Variants in STRBP observed in about 807,000 individuals in gnomAD.
The protein encoded by STRBP is spermatid perinuclear RNA-binding protein.
STRBP carries 13 observed loss-of-function variants against 80.1 expected under a neutral mutation model. The ratio of observed to expected loss-of-function variants is 0.16; its 90% CI spans 0.11 to 0.26. The LOEUF is 0.26. Among genes scored for constraint, STRBP ranks in the 10% least tolerant of loss-of-function variants. The pLI, the probability that STRBP is intolerant of heterozygous loss-of-function variation, is 1.00. For missense variants in STRBP, 485 were observed against 815.2 expected, an observed-to-expected ratio of 0.59 and a Z score of 4.93; for synonymous variants, 284 against 291.2, an observed-to-expected ratio of 0.98 and a Z score of 0.25.
At chr9:123,256,364 T>C (rs1022952016) in intron 1 of STRBP, among the ~76,000 whole-genome samples, 3 of 152,146 alleles carry the variant, frequency 2.0e-5, no homozygotes, top group African/African-American at 7.2e-5. Flanking sequence ...ATTATTACAA[T>C]AGCATTTTAA....
chr9:123,198,459 A>AT (rs927820975), intron 2 of STRBP, among the ~76,000 whole-genome samples: 75 of 149,314 alleles, frequency 5.0e-4, no homozygotes, highest in East Asian at 1.2e-3. Flanking sequence ...TTTTAATGGG[A>AT]TTTTTTTTTT....
intron 2 of STRBP, among the ~76,000 whole-genome samples, chr9:123,206,103 G>A (rs1007645535): frequency 1.3e-5 from 2 of 152,140 alleles, no homozygotes; most frequent in African/African-American, 4.8e-5. Context: ...CCTCAATTCT[G>A]AGCCTCAATT....
chr9:123,145,540 T>C (rs1031488097), intron 13 of STRBP, among the ~76,000 whole-genome samples: 8 of 152,146 alleles, frequency 5.3e-5, no homozygotes, highest in African/African-American at 1.4e-4. Context: ...TATCCTTGGT[T>C]TGTGAAGATC....
chr9:123,215,438 C>T (rs1021388048), intron 2 of STRBP, among the ~76,000 whole-genome samples: 4 of 152,280 alleles, frequency 2.6e-5, no homozygotes, highest in African/African-American at 9.6e-5. Flanking sequence ...AGGGTAAGAA[C>T]CAGAGCCATG....
intron 4 of STRBP, among the ~76,000 whole-genome samples, chr9:123,177,816 T>C (rs191741799): frequency 4.6e-5 from 7 of 152,166 alleles, no homozygotes; most frequent in African/African-American, 1.7e-4. Context: ...AATAAAAAAA[T>C]TTTTAACATG....
At chr9:123,209,041 G>A (rs2039619673) in intron 2 of STRBP, among the ~76,000 whole-genome samples, 2 of 152,102 alleles carry the variant, frequency 1.3e-5, no homozygotes, top group Non-Finnish European at 2.9e-5. Flanking sequence ...TAATCACTGA[G>A]CTCTCCTCAT....
intron 2 of STRBP, among the ~76,000 whole-genome samples, chr9:123,214,450 T>C (rs1393658354): frequency 6.6e-6 from 1 of 151,902 alleles, no homozygotes; most frequent in Non-Finnish European, 1.5e-5. Context: ...GGTAAAGAAT[T>C]TACTCATATA....
chr9:123,215,187 C>T (rs2039854845), intron 2 of STRBP, among the ~76,000 whole-genome samples: 1 of 152,132 alleles, frequency 6.6e-6, no homozygotes. Flanking sequence ...CCACCTCAGC[C>T]TCCCAAGTAG....
chr9:123,249,206 CCA>C (rs960263081), intron 1 of STRBP, among the ~76,000 whole-genome samples: 22 of 152,046 alleles, frequency 1.4e-4, no homozygotes, highest in African/African-American at 4.8e-4. Flanking sequence ...GACCCCATCT[CCA>C]CACACACACA....
intron 1 of STRBP, among the ~76,000 whole-genome samples, chr9:123,267,332 C>T (rs2041291028): frequency 6.6e-6 from 1 of 151,838 alleles, no homozygotes; most frequent in Non-Finnish European, 1.5e-5. Flanking sequence ...CTTTAAATGC[C>T]CCACACACCT....
chr9:123,158,782 A>C (rs1358575278), intron 9 of STRBP, among the ~76,000 whole-genome samples: 1 of 152,196 alleles, frequency 6.6e-6, no homozygotes, highest in African/African-American at 2.4e-5. Context: ...ACCAGACTAC[A>C]AACAGAATGA....
chr9:123,204,770 A>G (rs2039453130), intron 2 of STRBP, among the ~76,000 whole-genome samples: 1 of 151,426 alleles, frequency 6.6e-6, no homozygotes, highest in Non-Finnish European at 1.5e-5. Flanking sequence ...ACAGAAAAAA[A>G]AAAATTAGCC....
At chr9:123,161,590 C>G (rs1169299593) in intron 6 of STRBP, among the ~76,000 whole-genome samples, 4 of 152,012 alleles carry the variant, frequency 2.6e-5, no homozygotes, top group African/African-American at 9.7e-5. Context: ...TAAACTAATT[C>G]AACAAGATAA....
intron 2 of STRBP, among the ~76,000 whole-genome samples, chr9:123,186,552 CTG>C (rs552580939): frequency 6.6e-5 from 10 of 151,774 alleles, no homozygotes; most frequent in South Asian, 6.3e-4. Flanking sequence ...GAAAAAAAAA[CTG>C]TATCTCTATT....
At chr9:123,259,581 T>C (rs901108807) in intron 1 of STRBP, among the ~76,000 whole-genome samples, 1 of 152,120 alleles carries the variant, frequency 6.6e-6, no homozygotes, top group African/African-American at 2.4e-5. Flanking sequence ...TGGTGGCGCA[T>C]GCCTGTAATC....
At chr9:123,184,013 C>A in intron 3 of STRBP, 119 bp downstream of exon 3, 1 of 919,956 alleles carries the variant, frequency 1.1e-6, no homozygotes, top group Non-Finnish European at 1.7e-6. Flanking sequence ...CTTTATATGA[C>A]ACACTAAAGC....
intron 4 of STRBP, among the ~76,000 whole-genome samples, chr9:123,177,784 CTTATG>C (rs1228616673): frequency 1.3e-5 from 2 of 152,040 alleles, no homozygotes; most frequent in Non-Finnish European, 2.9e-5. Context: ...AATAGCAAAT[CTTATG>C]TTATATATTT....
intron 16 of STRBP, among the ~76,000 whole-genome samples, chr9:123,134,265 G>C: frequency 6.6e-6 from 1 of 152,216 alleles, no homozygotes; most frequent in Admixed American, 6.5e-5. Flanking sequence ...AAGCCTCAAA[G>C]CGTACTCTAT....
intron 6 of STRBP, among the ~76,000 whole-genome samples, chr9:123,165,110 G>A (rs143990098): frequency 0.011 from 1,636 of 151,922 alleles, 7 homozygotes; most frequent in Admixed American, 0.016. Flanking sequence ...GTGAAACCCC[G>A]TCTCTACTGA....
Sources: allele counts gnomAD v4.1 joint callset (sites outside exome capture counted in the v4.1 genomes callset), GRCh38; gene constraint gnomAD v4.1.1; transcripts MANE v1.5; gene names NCBI Gene and HGNC (gene_info 2026-07-23, HGNC 2026-07-21).